Variants in ZNF638 observed in about 807,000 individuals in gnomAD.
The protein encoded by ZNF638 is CTCL tumor antigen se33-1.
In ZNF638, 46 loss-of-function variants were observed where a neutral mutation model predicts 195.6. The ratio of observed to expected loss-of-function variants is 0.24; its 90% confidence interval spans 0.19 to 0.30. ZNF638 has a LOEUF of 0.30. Ranked by LOEUF, ZNF638 falls within the 10% of genes least tolerant of loss-of-function variation. The pLI is 1.00. For synonymous variants in ZNF638, 845 were observed against 772.0 expected, an observed-to-expected ratio of 1.09 and a Z score of -1.57; for missense variants, 2,440 against 2,325.3, an observed-to-expected ratio of 1.05 and a Z score of -1.01.
chr2:71,402,754 G>C (rs2080032548), intron 16 of ZNF638, among the ~76,000 whole-genome samples: 3 of 152,170 alleles, frequency 2.0e-5, no homozygotes, highest in South Asian at 4.1e-4. Flanking sequence ...GTTTAATTGA[G>C]CGAGATTTCA....
At chr2:71,408,036 TA>T in intron 19 of ZNF638, 85 bp from the exon 20 acceptor site, 2 of 1,319,122 alleles carry the variant, frequency 1.5e-6, no homozygotes, top group Non-Finnish European at 1.0e-6. Context: ...AGGTGTATAC[TA>T]AAAAGTGGAA....
chr2:71,423,586 T>G lies in ZNF638; in HGVS notation c.4072T>G (p.Leu1358Val), dbSNP rs1019739931. 3 of 1,614,026 alleles carry G rather than the reference T, an allele frequency of 1.9e-6. No individual in the cohort carries two copies. Among genetic ancestry groups the G allele is most frequent in the Non-Finnish European group, 2.5e-6 (3 of 1,180,008 alleles). The change falls in exon 22 of 28, where the codon TTA (leucine) becomes GTA (valine). Residue 1358 changes from leucine (L) to valine (V), a missense_variant. By Grantham distance (32) the Leu-to-Val change is conservative (BLOSUM62 1). Around this residue, in one of 5 missense-constraint regions of ZNF638, gnomAD observed 1,883 missense variants for 1,739.1 expected, o/e 1.08. Transcript: ENST00000264447. ...AMKEKPAENTLFKAYPNKGVG... is the reference protein window; with the variant it reads ...AMKEKPAENTVFKAYPNKGVG... Reference sequence around the variant, plus strand: ...GAAAGAAAAGCCTGCAGAAAACACTTTATTCAAGGCATACCCAAATAAAGG... The same window carrying G: ...GAAAGAAAAGCCTGCAGAAAACACTGTATTCAAGGCATACCCAAATAAAGG...
chr2:71,423,331 G>A lies in ZNF638; in HGVS notation c.3817G>A (p.Glu1273Lys). 6.2e-7 allele frequency: 1 copy of A among 1,613,908 alleles called. No homozygotes were observed. Among genetic ancestry groups the A allele is most frequent in the Non-Finnish European group, 8.5e-7 (1 of 1,179,990 alleles). The change falls in exon 22 of 28, where the codon GAA (glutamate) becomes AAA (lysine). Residue 1273 changes from glutamate to lysine, a missense_variant. Glu to Lys is a moderately conservative substitution (Grantham distance 56). Coordinates refer to ENST00000264447, the MANE Select transcript of ZNF638 (RefSeq NM_014497.5). ...AGTAGAAAAAAATGAAACTGTTTCG[G>A]AAATATTGCCATCAACTTGTATTGT... ...AEVEKNETVS[E>K]ILPSTCIVTL... is the part of the protein sequence containing the mutation.
chr2:71,390,765 A>C (rs1335052758), intron 10 of ZNF638, among the ~76,000 whole-genome samples: 2 of 152,166 alleles, frequency 1.3e-5, no homozygotes, highest in Non-Finnish European at 2.9e-5. Flanking sequence ...AACTGGTCAG[A>C]AACTTGGCCT....
intron 8 of ZNF638, chr2:71,379,463 T>A (rs763623158): frequency 6.6e-6 from 1 of 152,204 alleles, no homozygotes; most frequent in Non-Finnish European, 1.5e-5. Context: ...ACTTAATAGC[T>A]GTCTTGGTTA....
chr2:71,374,950 A>G (rs1017421870), intron 8 of ZNF638: 1 of 152,144 alleles, frequency 6.6e-6, no homozygotes, highest in Non-Finnish European at 1.5e-5. Context: ...TGGTTTGTCC[A>G]TTTAGATTTC....
At chr2:71,353,266 C>T (rs2078972103) in intron 2 of ZNF638, among the ~76,000 whole-genome samples, 1 of 152,092 alleles carries the variant, frequency 6.6e-6, no homozygotes. Context: ...AATTGGGGTT[C>T]AGATTTTAAA....
chr2:71,427,699 T>C (rs1055219520), intron 24 of ZNF638, among the ~76,000 whole-genome samples: 1 of 152,154 alleles, frequency 6.6e-6, no homozygotes, highest in African/African-American at 2.4e-5. Flanking sequence ...GAAAATGATA[T>C]ATTTGTATTG....
At chr2:71,397,660 T>A (rs1271304152) in intron 11 of ZNF638, among the ~76,000 whole-genome samples, 1 of 152,240 alleles carries the variant, frequency 6.6e-6, no homozygotes, top group Non-Finnish European at 1.5e-5. Flanking sequence ...ATTGATTTTT[T>A]ATCTTGGGCT....
chr2:71,348,834 A>C lies in ZNF638; in HGVS notation c.-121A>C. 3 of 1,605,366 alleles carry C rather than the reference A, an allele frequency of 1.9e-6. No homozygotes were observed. The highest frequency in any genetic ancestry group is 1.7e-6 in the Non-Finnish European group (2 of 1,178,136). On this transcript the variant is annotated 5_prime_UTR_variant, in exon 2 of 28. Coordinates refer to ENST00000264447, the MANE Select transcript of ZNF638 (RefSeq NM_014497.5). ...TTGCAAACCCACTTCTGTTGGGCCCATCTCCTTTGCACTTTGCTCAGATTA... is the reference window on the plus strand; with the variant it reads ...TTGCAAACCCACTTCTGTTGGGCCCCTCTCCTTTGCACTTTGCTCAGATTA...
At chr2:71,362,142 A>G (rs17006911) in intron 3 of ZNF638, among the ~76,000 whole-genome samples, 6,936 of 152,250 alleles carry the variant, frequency 0.046, 285 homozygotes, top group African/African-American at 0.11. Flanking sequence ...TTAGGCTTCT[A>G]TGATATTACT....
chr2:71,418,527 A>T lies in ZNF638; in HGVS notation c.3262-75A>T, dbSNP rs565289256. ...TTTTTTTTGAGCTTAAATTTTTACTAAAAACATTGCTTTTATAGTTAAATA... is the reference window on the plus strand; with the variant it reads ...TTTTTTTTGAGCTTAAATTTTTACTTAAAACATTGCTTTTATAGTTAAATA... On this transcript the variant is annotated intron_variant, in intron 20 of 27. Coordinates refer to ENST00000264447, the MANE Select transcript of ZNF638 (RefSeq NM_014497.5). The T allele has an allele frequency of 1.0e-4, 109 of 1,092,776 alleles. No homozygotes were observed. In the African/African-American group the frequency reaches 1.7e-3, roughly 17 times the overall value. The allele number at this position is 1,092,776 out of a possible 1,614,324, so 67.7% of individuals were successfully genotyped here.
At chr2:71,408,400 C>A in intron 20 of ZNF638, 153 bp downstream of exon 20, 1 of 1,003,648 alleles carries the variant, frequency 1.0e-6, no homozygotes, top group Non-Finnish European at 1.4e-6. Flanking sequence ...GTTTATAAAG[C>A]AGTATAAATT....
At position 71,349,340 on chromosome 2, in the gene ZNF638, C is replaced by A; in HGVS notation, c.386C>A (p.Pro129His). The change falls in exon 2 of 28, where the codon CCC (proline) becomes CAC (histidine). Residue 129 changes from proline (P) to histidine (H), a missense_variant. Coordinates refer to ENST00000264447, the MANE Select transcript of ZNF638 (RefSeq NM_014497.5). ...GTAACACAGGTTACAGAGCAGAGTCCCAAAGTACAGAGCCGCTATACAAAA... is the reference window on the plus strand; with the variant it reads ...GTAACACAGGTTACAGAGCAGAGTCACAAAGTACAGAGCCGCTATACAAAA... The part of the protein sequence containing the change: ...SSVTQVTEQS[P>H]KVQSRYTKES... 6.2e-7 allele frequency: 1 copy of A among 1,614,048 alleles called. No individual in the cohort carries two copies. Among genetic ancestry groups the A allele is most frequent in the Non-Finnish European group, 8.5e-7 (1 of 1,180,016 alleles).
At chr2:71,394,771 C>G (rs1165096107) in intron 10 of ZNF638, among the ~76,000 whole-genome samples, 1 of 152,204 alleles carries the variant, frequency 6.6e-6, no homozygotes, top group African/African-American at 2.4e-5. Context: ...GCATCTATTA[C>G]TGAATCAGTA....
chr2:71,365,497 C>T lies in ZNF638; in HGVS notation c.1786C>T (p.His596Tyr), dbSNP rs763678346. ...TGGGACAGAATTTAATAAACAGAAG[C>T]ATCTTGAAGCTGCTGATAAGGGACA... ...GHGTEFNKQK[H>Y]LEAADKGHSP... Residue 596 changes from histidine (H) to tyrosine (Y), a missense_variant, in exon 6 of 28, where the codon CAT becomes TAT. Transcript: ENST00000264447. 1 of 1,613,828 alleles carries T rather than the reference C, an allele frequency of 6.2e-7. No individual in the cohort carries two copies. The highest frequency in any genetic ancestry group is 1.7e-5 in the Admixed American group (1 of 59,972).
intron 20 of ZNF638, 121 bp downstream of exon 20, chr2:71,408,368 A>C: frequency 8.2e-7 from 1 of 1,222,004 alleles, no homozygotes; most frequent in Admixed American, 3.2e-5. Context: ...TTTGTGTTGC[A>C]ATCAGTGTTC....
At chr2:71,352,259 C>T (rs1446727477) in intron 2 of ZNF638, among the ~76,000 whole-genome samples, 1 of 151,924 alleles carries the variant, frequency 6.6e-6, no homozygotes, top group Non-Finnish European at 1.5e-5. Flanking sequence ...AGGTGGATCA[C>T]CTGAGGTCAG....
rs200685577 is a variant in ZNF638 at position 71,423,842 on chromosome 2, C to A, written c.4328C>A (p.Thr1443Lys). The part of the protein sequence containing the change: ...SAKEFGLLKP[T>K]SARSGLAESS... The stretch of plus-strand genomic sequence containing the variant: ...AAGGAATTTGGTCTGCTTAAACCCA[C>A]AAGTGCCAGGTCAGGCTTGGCAGAA... Residue 1443 changes from threonine (T) to lysine (K), a missense_variant, in exon 22 of 28, where the codon ACA becomes AAA. Thr to Lys is a moderately conservative substitution (Grantham distance 78, BLOSUM62 -1). This residue lies in a region of ZNF638 where 1,883 missense variants were observed against 1,739.1 expected (regional missense o/e 1.08). Transcript: ENST00000264447. The A allele has an allele frequency of 6.2e-7, 1 of 1,614,154 alleles. No homozygotes were observed. Among genetic ancestry groups the A allele is most frequent in the Non-Finnish European group, 8.5e-7 (1 of 1,180,010 alleles).
Sources: gnomAD v4.1 joint callset for allele counts (sites outside exome capture counted in the v4.1 genomes callset) on GRCh38, gnomAD v4.1.1 for gene constraint, gnomAD v4.1.1 regional missense constraint, MANE v1.5 for transcripts, NCBI Gene and HGNC (gene_info 2026-07-23, HGNC 2026-07-21) for gene names.